GALNT15: variants seen among roughly 807,000 people sequenced by gnomAD.
GALNT15 encodes the protein polypeptide N-acetylgalactosaminyltransferase 15, also known as UDP-GalNAc transferase T15.
A neutral mutation model predicts 66.8 loss-of-function variants in GALNT15; 67 were observed. The ratio of observed to expected loss-of-function variants is 1.00; its 90% CI spans 0.82 to 1.23. The LOEUF (loss-of-function observed/expected upper bound fraction) is 1.23. GALNT15 is among the 50% of genes most tolerant of loss of function. GALNT15 has a pLI of 0.00. For synonymous variants in GALNT15, 313 were observed against 311.5 expected (o/e 1.00, Z -0.05); for missense variants, 827 against 804.3 (o/e 1.03, Z -0.34).
At chr3:16,207,348 A>C (rs2063767162) in intron 3 of GALNT15, among the ~76,000 whole-genome samples, 1 of 152,074 alleles carries the variant, frequency 6.6e-6, no homozygotes, top group African/African-American at 2.4e-5. Flanking sequence ...TGAAGACATA[A>C]TTACCATGAC....
In GALNT15 at chr3:16,190,945, C is replaced by T. The variant is rs565598139; in HGVS notation, c.540-4815C>T. On this transcript the variant is annotated intron_variant, in intron 1 of 9. Transcript: ENST00000339732. ...CTTGAAGGCTGCGTGAACTTCTTTCCCTGAGAGAGGAGAAGGATTCTTTCT... is the reference window on the plus strand; with the variant it reads ...CTTGAAGGCTGCGTGAACTTCTTTCTCTGAGAGAGGAGAAGGATTCTTTCT... Among the ~76,000 whole-genome samples, 9 of 152,312 alleles carry T rather than the reference C, an allele frequency of 5.9e-5. No homozygotes were observed. The South Asian group carries it at 1.9e-3, about 32-fold the overall frequency.
intron 6 of GALNT15, among the ~76,000 whole-genome samples, chr3:16,214,541 A>T (rs1459653261): frequency 6.6e-6 from 1 of 152,130 alleles, no homozygotes; most frequent in Non-Finnish European, 1.5e-5. Flanking sequence ...CGTTATTGTC[A>T]TGGCTACTAA....
chr3:16,233,094 CTTT>C (rs61516679), downstream of GALNT15, among the ~76,000 whole-genome samples: 10 of 61,196 alleles, frequency 1.6e-4, 3 homozygotes, highest in South Asian at 8.3e-4. Context: ...GATAATGCAT[CTTT>C]TTTTTTTTTT....
the GALNT15 span, among the ~76,000 whole-genome samples, chr3:16,237,577 G>A: frequency 2.0e-5 from 3 of 152,208 alleles, no homozygotes; most frequent in African/African-American, 2.4e-5. The surrounding 1 kb of genome is among the most constrained non-coding windows in gnomAD (Gnocchi z 4.2). Context: ...CAAGGGACAG[G>A]CAGCTGTGCA....
At chr3:16,239,438 A>G in the GALNT15 span, among the ~76,000 whole-genome samples, 1 of 152,184 alleles carries the variant, frequency 6.6e-6, no homozygotes, top group East Asian at 1.9e-4. This position sits in a 1 kb window ranked among gnomAD's most constrained non-coding sequence, Gnocchi z 5.2. Context: ...ACTGCAGGAC[A>G]CTGAGACAGA....
intron 9 of GALNT15, among the ~76,000 whole-genome samples, chr3:16,226,267 G>A (rs2064016732): frequency 6.6e-6 from 1 of 152,158 alleles, no homozygotes; most frequent in Non-Finnish European, 1.5e-5. Context: ...GTAGGTAGGA[G>A]TGAAGGTTGC....
chr3:16,234,340 G>A (rs772457976), downstream of GALNT15, among the ~76,000 whole-genome samples: 19 of 150,240 alleles, frequency 1.3e-4, no homozygotes, highest in Admixed American at 8.6e-4. Context: ...TTTTTCTTCC[G>A]CGAAAGCCAA....
In GALNT15 at chr3:16,203,445, C is replaced by G. The variant is rs1464586193; in HGVS notation, c.911+2622C>G. ...GTTTCCTGTGCCCTTCCCCTCTCCT[C>G]TTTTCCTCTCCTGTCTGTCTCTGCC... On this transcript the variant is annotated intron_variant, in intron 3 of 9. Coordinates refer to ENST00000339732, the MANE Select transcript of GALNT15 (RefSeq NM_054110.5). This position sits in a 1 kb window ranked among gnomAD's most constrained non-coding sequence, Gnocchi z 6.2. Among the ~76,000 whole-genome samples the G allele has an allele frequency of 6.6e-6, 1 of 151,838 alleles. No homozygotes were observed. The highest frequency in any genetic ancestry group is 1.9e-4 in the East Asian group (1 of 5,176).
chr3:16,241,497 T>G, the GALNT15 span, among the ~76,000 whole-genome samples: 1 of 152,218 alleles, frequency 6.6e-6, no homozygotes, highest in Non-Finnish European at 1.5e-5. This position sits in a 1 kb window ranked among gnomAD's most constrained non-coding sequence, Gnocchi z 4.6. Context: ...AGTTATCTTT[T>G]GCTGCATAAC....
chr3:16,208,714 A>G (rs2063783459), intron 4 of GALNT15, 44 bp downstream of exon 4: 3 of 1,581,496 alleles, frequency 1.9e-6, no homozygotes, highest in African/African-American at 1.3e-5. Flanking sequence ...CCTCCTCAGG[A>G]TGGACTCTGC....
downstream of GALNT15, among the ~76,000 whole-genome samples, chr3:16,235,740 A>ATAAGGATAATAAGGATGGAAAT (rs1409565744): frequency 2.0e-5 from 3 of 152,182 alleles, no homozygotes; most frequent in African/African-American, 7.2e-5. Flanking sequence ...AAATCAAGGA[A>ATAAGGATAATAAGGATGGAAAT]CAGGGATAAG....
At chr3:16,237,159 G>T in the GALNT15 span, among the ~76,000 whole-genome samples, 1 of 152,302 alleles carries the variant, frequency 6.6e-6, no homozygotes, top group East Asian at 1.9e-4. This position sits in a 1 kb window ranked among gnomAD's most constrained non-coding sequence, Gnocchi z 4.2. Flanking sequence ...GATCTCTGGC[G>T]TTCAATTTAG....
At chr3:16,236,745 T>G (rs778115314), downstream of GALNT15, among the ~76,000 whole-genome samples, 8 of 152,198 alleles carry the variant, frequency 5.3e-5, no homozygotes, top group Non-Finnish European at 1.0e-4. Context: ...AATAAGCAAA[T>G]TATTTTTAAA....
Position 16,222,597 on chromosome 3 carries a change from C to T in GALNT15, c.1630-18C>T, listed in dbSNP as rs2063954858. Reference sequence around the variant, plus strand: ...GATCTCTTTCTAGCTGCGCTAACAACTATTGCTTCTGTCACAGTACCTGCA... The same window carrying T: ...GATCTCTTTCTAGCTGCGCTAACAATTATTGCTTCTGTCACAGTACCTGCA... On this transcript the variant is annotated intron_variant, in intron 8 of 9. Transcript: ENST00000339732. 6.2e-7 allele frequency: 1 copy of T among 1,614,138 alleles called. No individual in the cohort carries two copies. Among genetic ancestry groups the T allele is most frequent in the Non-Finnish European group, 8.5e-7 (1 of 1,179,984 alleles).
chr3:16,191,840 A>G lies in GALNT15; in HGVS notation c.540-3920A>G, dbSNP rs62235207. ...CACTGTTGGGAAACCCAAACTTGAA[A>G]GTAGTTCAGTGGATGTCTCATGCTA... is the stretch of plus-strand genomic sequence containing the variant. On this transcript the variant is annotated intron_variant, in intron 1 of 9. Transcript: ENST00000339732. The surrounding 1 kb of genome is among the most constrained non-coding windows in gnomAD (Gnocchi z 5.2). Among the ~76,000 whole-genome samples, 11,241 of 152,330 alleles carry G rather than the reference A, an allele frequency of 0.074. 481 individuals carry two copies. Among genetic ancestry groups the G allele is most frequent in the Non-Finnish European group, 0.09 (6,151 of 68,036 alleles).
Position 16,175,085 on chromosome 3 carries a change from G to C in GALNT15, c.-67G>C, listed in dbSNP as rs2063389777. 1 of 1,490,042 alleles carries C rather than the reference G, an allele frequency of 6.7e-7. No individual in the cohort carries two copies. The highest frequency in any genetic ancestry group is 9.1e-7 in the Non-Finnish European group (1 of 1,092,992). 92.3% of individuals were successfully genotyped at this position (1,490,042 alleles called of 1,614,324 possible). A position where few individuals can be genotyped will look rare whatever the true frequency, so the allele number is the denominator to read the frequency against. On this transcript the variant is annotated 5_prime_UTR_variant, in exon 1 of 10. It removes the in-frame stop codon of an upstream open reading frame in the 5' UTR. Transcript: ENST00000339732. The surrounding 1 kb of genome is among the most constrained non-coding windows in gnomAD (Gnocchi z 5.6). ...GCAACCCAGGTTCTGCTGCAAGCTT[G>C]AAGGAGCCTGGAGCGGGAGAAAGCT... is the stretch of plus-strand genomic sequence containing the variant.
rs1260468451 is a variant in GALNT15 at position 16,175,540 on chromosome 3, C to T, written c.389C>T (p.Ala130Val). 1 of 1,613,914 alleles carries T rather than the reference C, an allele frequency of 6.2e-7. No individual in the cohort carries two copies. Among genetic ancestry groups the T allele is most frequent in the Non-Finnish European group, 8.5e-7 (1 of 1,179,998 alleles). ...CAGCCAAGGAGGCAGGATAAGGAAG[C>T]CCCAAAGAGGGACTGGGGGGCTGAT... ...IKQPRRQDKE[A>V]PKRDWGADED... Residue 130 changes from alanine to valine, a missense_variant, in exon 1 of 10, where the codon GCC (alanine) becomes GTC (valine). Coordinates refer to ENST00000339732, the MANE Select transcript of GALNT15 (RefSeq NM_054110.5). This position sits in a 1 kb window ranked among gnomAD's most constrained non-coding sequence, Gnocchi z 5.6.
intron 4 of GALNT15, among the ~76,000 whole-genome samples, chr3:16,210,920 G>C (rs2063806282): frequency 6.6e-6 from 1 of 152,242 alleles, no homozygotes; most frequent in South Asian, 2.1e-4. Context: ...GCCCAGGCAA[G>C]AATAGCTCTC....
chr3:16,232,298 G>A (rs981307058), downstream of GALNT15, among the ~76,000 whole-genome samples: 1 of 151,342 alleles, frequency 6.6e-6, no homozygotes, highest in Non-Finnish European at 1.5e-5. Context: ...GGGCATGTTG[G>A]CTCACGCCTT....
Sources: allele counts gnomAD v4.1 joint callset (sites outside exome capture counted in the v4.1 genomes callset), GRCh38; gene constraint gnomAD v4.1.1; non-coding constraint Gnocchi (gnomAD v3.1); transcripts MANE v1.5; gene names NCBI Gene and HGNC (gene_info 2026-07-23, HGNC 2026-07-21).